The following ZNF700 variants were observed in gnomAD, a reference collection of about 807,000 sequenced individuals.
The protein encoded by ZNF700 is zinc finger protein 700.
Under a neutral mutation model 65.3 loss-of-function variants are expected in ZNF700, and 38 were observed. That is an observed-to-expected ratio of 0.58 (90% CI 0.45 to 0.76). ZNF700 has a LOEUF of 0.76. Ranked by LOEUF, ZNF700 falls within the 30% of genes least tolerant of loss-of-function variation. The pLI, the probability that ZNF700 is intolerant of heterozygous loss-of-function variation, is 0.00. For missense variants in ZNF700, 857 were observed against 888.4 expected (o/e 0.96, Z 0.45); for synonymous variants, 285 against 290.4 (o/e 0.98, Z 0.19).
chr19:11,947,700 C>T (rs1972983469), intron 3 of ZNF700, 126 bp downstream of exon 3: 3 of 1,004,176 alleles, frequency 3.0e-6, no homozygotes, highest in Middle Eastern at 2.2e-4. Context: ...AGAATATTTT[C>T]TCAAAAAACA....
At chr19:11,929,501 T>G (rs1972682951) in intron 1 of ZNF700, among the ~76,000 whole-genome samples, 1 of 148,266 alleles carries the variant, frequency 6.7e-6, no homozygotes, top group African/African-American at 2.6e-5. Flanking sequence ...GGTAGAAAAT[T>G]TCTAGGTATG....
In ZNF700 at chr19:11,948,869, A is replaced by G; in HGVS notation, c.845A>G (p.Lys282Arg). The change falls in exon 4 of 4, where the codon AAA (lysine) becomes AGA (arginine). Residue 282 changes from lysine to arginine, a missense_variant. Transcript: ENST00000254321. Reference sequence around the variant, plus strand: ...GGGGAGAAGCCCTATGAATGTAGCAAATGTGATAAAGCATTTCATAGTTCT... The same window carrying G: ...GGGGAGAAGCCCTATGAATGTAGCAGATGTGATAAAGCATTTCATAGTTCT... ...HTGEKPYECS[K>R]CDKAFHSSSS... 6.2e-7 allele frequency: 1 copy of G among 1,604,544 alleles called. No homozygotes were observed. Among genetic ancestry groups the G allele is most frequent in the Non-Finnish European group, 8.5e-7 (1 of 1,178,026 alleles).
chr19:11,933,436 A>G (rs958504295), intron 1 of ZNF700, among the ~76,000 whole-genome samples: 1 of 147,810 alleles, frequency 6.8e-6, no homozygotes, highest in African/African-American at 2.7e-5. Flanking sequence ...TAAGACAACT[A>G]CGTGTGTCAT....
rs565466922 is a variant in ZNF700, at chr19:11,936,826, A to G, written c.64-10355A>G. ...CTAGGGTTTTTATGGTTTTAGGTCT[A>G]ACGTTTAAGTCTTAATCCATCTTGA... On this transcript the variant is annotated intron_variant, in intron 1 of 3. Transcript: ENST00000254321. 2.6e-4 allele frequency among the ~76,000 whole-genome samples: 39 copies of G among 152,302 alleles called. 1 individual carries two copies. Among genetic ancestry groups the G allele is most frequent in the African/African-American group, 8.7e-4 (36 of 41,560 alleles).
chr19:11,934,675 C>T (rs550715618), intron 1 of ZNF700, among the ~76,000 whole-genome samples: 48 of 147,202 alleles, frequency 3.3e-4, no homozygotes, highest in Non-Finnish European at 6.3e-4. Flanking sequence ...TACAGGCGTG[C>T]GCTGCCTCTC....
chr19:11,950,690 T>C lies in ZNF700; in HGVS notation c.*437T>C, dbSNP rs1973054265. ...TACAGATAATTAATGTAAACAATTA[T>C]CATAAGTATACTAACATGTTATTCT... On this transcript the variant is annotated 3_prime_UTR_variant, in exon 4 of 4. Transcript: ENST00000254321. 4 of 258,716 alleles carry C rather than the reference T, an allele frequency of 1.5e-5. No individual in the cohort carries two copies. In the South Asian group the frequency reaches 1.7e-4, roughly 11 times the overall value. The allele number at this position is 258,716 out of a possible 1,614,324, so 16.0% of individuals were successfully genotyped here.
intron 1 of ZNF700, among the ~76,000 whole-genome samples, chr19:11,941,584 C>T (rs1288270997): frequency 6.6e-6 from 1 of 152,228 alleles, no homozygotes; most frequent in Non-Finnish European, 1.5e-5. Flanking sequence ...CGGCCGGCTG[C>T]TCCGAGTGCG....
At position 11,950,306 on chromosome 19, in the gene ZNF700, A is replaced by C; in HGVS notation, c.*53A>C. ...ACTCACACTGGAAGGAAGCACTATGAATGCAAGCAATGTGGCAAAACTTTC... is the reference window on the plus strand; with the variant it reads ...ACTCACACTGGAAGGAAGCACTATGCATGCAAGCAATGTGGCAAAACTTTC... On this transcript the variant is annotated 3_prime_UTR_variant, in exon 4 of 4. Transcript: ENST00000254321. The C allele has an allele frequency of 6.5e-7, 1 of 1,549,674 alleles. No homozygotes were observed. The highest frequency in any genetic ancestry group is 8.8e-7 in the Non-Finnish European group (1 of 1,142,458).
intron 1 of ZNF700, among the ~76,000 whole-genome samples, chr19:11,942,971 C>T (rs536756267): frequency 6.6e-6 from 1 of 152,276 alleles, no homozygotes; most frequent in East Asian, 1.9e-4. Flanking sequence ...CTACCTAGGT[C>T]TTCCTGCAAG....
chr19:11,947,042 A>G, intron 1 of ZNF700, 139 bp from the exon 2 acceptor site: 1 of 1,361,922 alleles, frequency 7.3e-7, no homozygotes. Context: ...GTATAGATGG[A>G]GAGAAAGGGA....
rs376103028 is a variant in ZNF700 at position 11,925,313 on chromosome 19, G to T, written c.63+40G>T. Reference sequence around the variant, plus strand: ...CCAGATGTCGTGAGACGGGGGAGGGGCTGCCTGGAACAGGCGGGAACCGGC... The same window carrying T: ...CCAGATGTCGTGAGACGGGGGAGGGTCTGCCTGGAACAGGCGGGAACCGGC... On this transcript the variant is annotated intron_variant, in intron 1 of 3. Transcript: ENST00000254321. 2.9e-4 allele frequency: 458 copies of T among 1,605,598 alleles called. 4 individuals are homozygous for T. The South Asian group carries it at 4.7e-3, about 16-fold the overall frequency.
chr19:11,939,166 T>C (rs1349630892), intron 1 of ZNF700, among the ~76,000 whole-genome samples: 1 of 152,198 alleles, frequency 6.6e-6, no homozygotes, highest in Non-Finnish European at 1.5e-5. Flanking sequence ...TTTTCTCCCA[T>C]TCTATAGGTT....
In ZNF700 at chr19:11,949,089, G is replaced by A. The variant is rs1973013751; in HGVS notation, c.1065G>A (p.Met355Ile). 1 of 1,611,456 alleles carries A rather than the reference G, an allele frequency of 6.2e-7. No individual in the cohort carries two copies. The highest frequency in any genetic ancestry group is 1.7e-5 in the Admixed American group (1 of 59,002). The change falls in exon 4 of 4, where the codon ATG becomes ATA. Residue 355 changes from methionine (M) to isoleucine (I), a missense_variant. This residue lies in a region of ZNF700 where 603 missense variants were observed against 619.9 expected (regional missense o/e 0.97). Transcript: ENST00000254321. ...YLISFQTHIR[M>I]NSGERPYKCK... is the part of the protein sequence containing the mutation. ...TAAGTTTTCAAACACACATAAGAAT[G>A]AACTCTGGAGAAAGACCTTATAAAT...
intron 3 of ZNF700, 24 bp from the exon 4 acceptor site, chr19:11,948,252 T>C (rs761503860): frequency 6.2e-6 from 10 of 1,604,982 alleles, no homozygotes; most frequent in Middle Eastern, 1.7e-4. Flanking sequence ...AAACCCTTCA[T>C]GATGTGTTTC....
Position 11,930,076 on chromosome 19 carries a change from G to C in ZNF700, c.63+4803G>C, listed in dbSNP as rs888456157. 6.1e-5 allele frequency among the ~76,000 whole-genome samples: 9 copies of C among 148,000 alleles called. 3 individuals carry two copies. The highest frequency in any genetic ancestry group is 2.4e-4 in the African/African-American group (9 of 37,690). ...GGTCTAGTGGGTATCTGTGCCTAGG[G>C]GAGTGGGGCCTCCCAAGGGAGCAGC... On this transcript the variant is annotated intron_variant, in intron 1 of 3. Coordinates refer to ENST00000254321, the MANE Select transcript of ZNF700 (RefSeq NM_144566.3).
chr19:11,931,082 A>G (rs905855180), intron 1 of ZNF700, among the ~76,000 whole-genome samples: 7 of 148,130 alleles, frequency 4.7e-5, no homozygotes, highest in Non-Finnish European at 7.4e-5. Context: ...GTCTGTTAAT[A>G]CCACTTTCTC....
At chr19:11,925,858 G>A (rs1288778956) in intron 1 of ZNF700, among the ~76,000 whole-genome samples, 1 of 152,212 alleles carries the variant, frequency 6.6e-6, no homozygotes, top group East Asian at 1.9e-4. Flanking sequence ...AAGCAGCCTG[G>A]AGTAAGTGGT....
intron 1 of ZNF700, among the ~76,000 whole-genome samples, chr19:11,926,352 T>G (rs1461656655): frequency 2.0e-5 from 3 of 152,106 alleles, no homozygotes; most frequent in Admixed American, 2.0e-4. Flanking sequence ...TTTTTGCGGG[T>G]CCTGTTGGCC....
chr19:11,947,610 T>C (rs1386352685), intron 3 of ZNF700, 36 bp downstream of exon 3: 3 of 1,560,042 alleles, frequency 1.9e-6, no homozygotes, highest in Non-Finnish European at 2.6e-6. Context: ...AGTGTCTCTC[T>C]GCACAATCTT....
Sources: gnomAD v4.1 joint callset for allele counts (sites outside exome capture counted in the v4.1 genomes callset) on GRCh38, gnomAD v4.1.1 for gene constraint, gnomAD v4.1.1 regional missense constraint, MANE v1.5 for transcripts, NCBI Gene and HGNC (gene_info 2026-07-23, HGNC 2026-07-21) for gene names.